Variants in TRPC5 observed in about 807,000 individuals in gnomAD.
TRPC5 encodes short transient receptor potential channel 5.
Under a neutral mutation model 56.5 loss-of-function variants are expected in TRPC5, and 9 were observed. The observed-to-expected ratio is 0.16, with a 90% CI of 0.10 to 0.28. The LOEUF (loss-of-function observed/expected upper bound fraction) is 0.28. TRPC5 is among the 10% of genes least tolerant of loss of function. The pLI is 1.00. For missense variants in TRPC5, 469 were observed against 748.9 expected, an observed-to-expected ratio of 0.63 and a Z score of 4.36; for synonymous variants, 282 against 278.5, an observed-to-expected ratio of 1.01 and a Z score of -0.13.
At chrX:111,999,695 G>T (rs1928646302) in intron 1 of TRPC5, among the ~76,000 whole-genome samples, 1 of 112,265 alleles carries the variant, frequency 8.9e-6, no homozygotes, top group Non-Finnish European at 1.9e-5. Flanking sequence ...GCCAGGCACG[G>T]TGGCTCACGC....
At chrX:111,846,673 A>G (rs1922937332) in intron 6 of TRPC5, among the ~76,000 whole-genome samples, 1 of 111,802 alleles carries the variant, frequency 8.9e-6, no homozygotes, top group Non-Finnish European at 1.9e-5. Flanking sequence ...GTGCATTAAG[A>G]TATGTTTGCA....
At chrX:111,785,366 A>G (rs757422134) in intron 7 of TRPC5, among the ~76,000 whole-genome samples, 1 of 112,152 alleles carries the variant, frequency 8.9e-6, no homozygotes, top group Non-Finnish European at 1.9e-5. Flanking sequence ...AATAGCATCA[A>G]CATCAACAAA....
intron 3 of TRPC5, chrX:111,902,315 C>T: frequency 2.4e-6 from 1 of 416,218 alleles, no homozygotes; most frequent in Non-Finnish European, 3.9e-6. Flanking sequence ...TACTAATAAC[C>T]CATATAACAA....
At chrX:111,925,946 C>G (rs142974318) in intron 2 of TRPC5, among the ~76,000 whole-genome samples, 1 of 111,531 alleles carries the variant, frequency 9.0e-6, no homozygotes, top group Admixed American at 9.5e-5. Flanking sequence ...GTTCCGTGCA[C>G]GGTAGGATGT....
chrX:111,910,978 A>G (rs1391867518), intron 3 of TRPC5, among the ~76,000 whole-genome samples: 1 of 112,936 alleles, frequency 8.9e-6, no homozygotes, highest in African/African-American at 3.2e-5. Flanking sequence ...TAAATGGCAA[A>G]AATAAAATAA....
intron 1 of TRPC5, among the ~76,000 whole-genome samples, chrX:111,995,814 G>C (rs188693785): frequency 0.097 from 10,722 of 110,237 alleles, 1,115 homozygotes; most frequent in African/African-American, 0.31. Context: ...CTGTGGGATG[G>C]GTGGTGATAT....
In TRPC5 at chrX:112,011,496, G is replaced by A. The variant is rs189718900; in HGVS notation, c.-21-59055C>T. On this transcript the variant is annotated intron_variant, in intron 1 of 10. Transcript: ENST00000262839. ...GCCTGTTCCCGTTGGAGGCTCCCGG[G>A]ATCTCAAGGAGTAAATCCAGTTATT... is the stretch of plus-strand genomic sequence containing the variant. 5.4e-3 allele frequency among the ~76,000 whole-genome samples: 607 copies of A among 111,869 alleles called. 9 individuals are homozygous for A. The highest frequency in any genetic ancestry group is 0.018 in the African/African-American group (551 of 30,789).
chrX:111,891,738 G>A (rs952991165), intron 3 of TRPC5, among the ~76,000 whole-genome samples: 1 of 110,461 alleles, frequency 9.1e-6, no homozygotes, highest in African/African-American at 3.3e-5. Context: ...TTGTAGAGAC[G>A]GGATTTCACT....
chrX:111,973,326 G>C (rs1927832588), intron 1 of TRPC5, among the ~76,000 whole-genome samples: 1 of 111,815 alleles, frequency 8.9e-6, no homozygotes, highest in African/African-American at 3.3e-5. Flanking sequence ...CGATTAAAAG[G>C]CTTAAAGTAT....
chrX:111,940,830 C>G (rs1384885014), intron 2 of TRPC5, among the ~76,000 whole-genome samples: 2 of 111,828 alleles, frequency 1.8e-5, no homozygotes, highest in African/African-American at 6.5e-5. Flanking sequence ...AACTGGCCCC[C>G]AGCCACTCAT....
chrX:112,073,075 G>A (rs953641807), intron 1 of TRPC5, among the ~76,000 whole-genome samples: 6 of 111,636 alleles, frequency 5.4e-5, no homozygotes, highest in African/African-American at 1.3e-4. Flanking sequence ...GTTGTACTGA[G>A]CAGGGCGTGT....
intron 3 of TRPC5, among the ~76,000 whole-genome samples, chrX:111,895,026 T>G: frequency 8.9e-6 from 1 of 111,785 alleles, no homozygotes; most frequent in East Asian, 2.8e-4. Flanking sequence ...TGGTGGATAT[T>G]TGTACGCTCT....
chrX:111,979,918 C>G (rs764803905), intron 1 of TRPC5, among the ~76,000 whole-genome samples: 1 of 111,608 alleles, frequency 9.0e-6, no homozygotes, highest in Non-Finnish European at 1.9e-5. Flanking sequence ...TTAGCAATTT[C>G]TTTTAAAAGT....
intron 2 of TRPC5, among the ~76,000 whole-genome samples, chrX:111,926,752 T>C (rs763354209): frequency 8.9e-6 from 1 of 112,294 alleles, no homozygotes; most frequent in Admixed American, 9.4e-5. Context: ...AGGTAATTTG[T>C]CTAAGGTTAC....
At chrX:112,069,359 C>T (rs1397627308) in intron 1 of TRPC5, among the ~76,000 whole-genome samples, 2 of 111,806 alleles carry the variant, frequency 1.8e-5, no homozygotes, top group Admixed American at 1.9e-4. Flanking sequence ...TGAATGTAAA[C>T]TGGCACTCCA....
intron 1 of TRPC5, 25 bp from the exon 2 acceptor site, chrX:111,952,466 C>A (rs1300088440): frequency 8.6e-7 from 1 of 1,162,762 alleles, no homozygotes; most frequent in Non-Finnish European, 1.1e-6. Context: ...AGAGAAAGAC[C>A]AAAATATCCT....
At chrX:111,789,292 C>G (rs1034849656) in intron 7 of TRPC5, among the ~76,000 whole-genome samples, 36 of 111,740 alleles carry the variant, frequency 3.2e-4, no homozygotes, top group South Asian at 1.9e-3. Flanking sequence ...TTTGACAAAC[C>G]TGACAAAAAC....
intron 2 of TRPC5, among the ~76,000 whole-genome samples, chrX:111,947,207 A>G (rs1339232963): frequency 1.8e-5 from 2 of 111,839 alleles, no homozygotes; most frequent in East Asian, 5.6e-4. Context: ...CTAGGGAAGC[A>G]GTGTGGCTTA....
intron 2 of TRPC5, among the ~76,000 whole-genome samples, chrX:111,944,318 G>A (rs1165739087): frequency 9.5e-6 from 1 of 105,120 alleles, no homozygotes; most frequent in African/African-American, 3.5e-5. Flanking sequence ...GAGAGAGAGA[G>A]AGAGAGAGAG....
Sources: gnomAD v4.1 joint callset for allele counts (sites outside exome capture counted in the v4.1 genomes callset) on GRCh38, gnomAD v4.1.1 for gene constraint, MANE v1.5 for transcripts, NCBI Gene and HGNC (gene_info 2026-07-23, HGNC 2026-07-21) for gene names.